ANKS1B: variants seen among roughly 807,000 people sequenced by gnomAD.
ANKS1B encodes the protein ankyrin repeat and sterile alpha motif domain containing 1B, also known as ankyrin repeat and sterile alpha motif domain-containing protein 1B.
Under a neutral mutation model 148.3 loss-of-function variants are expected in ANKS1B, and 36 were observed. The observed-to-expected ratio is 0.24, with a 90% confidence interval of 0.19 to 0.32. The LOEUF is 0.32. Among genes scored for constraint, ANKS1B ranks in the 10% least tolerant of loss-of-function variants. The probability of loss-of-function intolerance (pLI) is 1.00; values close to 1 mark genes in which losing one functional copy is unlikely to be tolerated. For synonymous variants in ANKS1B, 542 were observed against 560.8 expected, an observed-to-expected ratio of 0.97 and a Z score of 0.47; for missense variants, 1,157 against 1,542.6, an observed-to-expected ratio of 0.75 and a Z score of 4.19.
chr12:98,948,475 T>A (rs1213923044), intron 17 of ANKS1B, among the ~76,000 whole-genome samples: 1 of 152,202 alleles, frequency 6.6e-6, no homozygotes, highest in African/African-American at 2.4e-5. Context: ...TTGCTCATGA[T>A]CATTTACATT....
intron 14 of ANKS1B, among the ~76,000 whole-genome samples, chr12:99,243,737 G>C (rs1485765257): frequency 6.6e-6 from 1 of 152,208 alleles, no homozygotes; most frequent in Non-Finnish European, 1.5e-5. Context: ...GGACATGGAT[G>C]AAGCAGGAAA....
chr12:99,246,527 A>C lies in ANKS1B; in HGVS notation c.2094T>G (p.Asn698Lys). 5.0e-6 allele frequency: 8 copies of C among 1,613,294 alleles called. No individual in the cohort carries two copies. The highest frequency in any genetic ancestry group is 6.8e-6 in the Non-Finnish European group (8 of 1,179,692). ...GTRSTRSGSR[N>K]GDQWVMNAGG... ...CTGCGTTCATAACCCACTGGTCCCC[A>C]TTCCGAGATCCACTCCTGGTTGATC... The change falls in exon 13 of 27, where the codon AAT becomes AAG. Residue 698 changes from asparagine to lysine, a missense_variant. By Grantham distance (94) the Asn-to-Lys change is moderately conservative. Around this residue, in one of 6 missense-constraint regions of ANKS1B, gnomAD observed 661 missense variants for 642.1 expected, o/e 1.03. Transcript: ENST00000683438.
Position 99,630,693 on chromosome 12 carries a change from G to A in ANKS1B, c.1272+24374C>T, listed in dbSNP as rs568431622. ...CACTTTTCTCAAGGAAGATCTTTAA[G>A]AGAAAATATTTTCTCACTTATTCCC... On this transcript the variant is annotated intron_variant, in intron 9 of 26. Coordinates refer to ENST00000683438, the MANE Select transcript of ANKS1B (RefSeq NM_001352186.2). Among the ~76,000 whole-genome samples the A allele has an allele frequency of 3.2e-4, 48 of 152,290 alleles. 1 individual carries two copies. The highest frequency in any genetic ancestry group is 9.1e-4 in the African/African-American group (38 of 41,564).
intron 14 of ANKS1B, among the ~76,000 whole-genome samples, chr12:99,232,762 T>C (rs1257992407): frequency 6.6e-6 from 1 of 152,160 alleles, no homozygotes; most frequent in African/African-American, 2.4e-5. Context: ...ATACCTTAAC[T>C]ACAATCCTCA....
intron 12 of ANKS1B, among the ~76,000 whole-genome samples, chr12:99,384,385 C>T (rs949793825): frequency 6.6e-6 from 1 of 152,106 alleles, no homozygotes; most frequent in East Asian, 1.9e-4. Context: ...TGTCATGAGG[C>T]TCAATGAAGC....
intron 24 of ANKS1B, among the ~76,000 whole-genome samples, chr12:98,777,194 TA>T (rs1789300813): frequency 6.6e-6 from 1 of 151,968 alleles, no homozygotes; most frequent in South Asian, 2.1e-4. Context: ...CCCTGTCTCT[TA>T]AAAACAAAAC....
intron 17 of ANKS1B, among the ~76,000 whole-genome samples, chr12:98,960,099 C>T (rs766943792): frequency 5.9e-5 from 9 of 152,168 alleles, no homozygotes; most frequent in Admixed American, 3.3e-4. Flanking sequence ...GGCTTTGCCA[C>T]CTGCTGATTG....
intron 22 of ANKS1B, among the ~76,000 whole-genome samples, chr12:98,797,552 G>A (rs189336874): frequency 5.9e-5 from 9 of 152,268 alleles, no homozygotes; most frequent in African/African-American, 2.2e-4. Context: ...GATATATACA[G>A]AAGCTTGTTT....
intron 17 of ANKS1B, among the ~76,000 whole-genome samples, chr12:98,960,091 C>T (rs2099868674): frequency 1.3e-5 from 2 of 152,200 alleles, no homozygotes; most frequent in Non-Finnish European, 2.9e-5. Flanking sequence ...GCCTGGCTGG[C>T]TTTGCCACCT....
chr12:99,547,814 T>A (rs759340093), intron 9 of ANKS1B, among the ~76,000 whole-genome samples: 1 of 152,242 alleles, frequency 6.6e-6, no homozygotes, highest in Non-Finnish European at 1.5e-5. Flanking sequence ...TTTTTCACAT[T>A]ATAACTCCCT....
intron 1 of ANKS1B, among the ~76,000 whole-genome samples, chr12:99,837,595 C>T (rs1158733836): frequency 1.3e-5 from 2 of 152,158 alleles, no homozygotes; most frequent in East Asian, 3.9e-4. Context: ...GCTTTTATAA[C>T]CCCTGGATTT....
intron 22 of ANKS1B, among the ~76,000 whole-genome samples, chr12:98,790,135 G>GA (rs1460745104): frequency 6.6e-6 from 1 of 152,160 alleles, no homozygotes; most frequent in East Asian, 1.9e-4. Flanking sequence ...GCAAATGTGT[G>GA]AAAAAACACA....
chr12:98,755,279 C>T (rs958027000), intron 25 of ANKS1B, among the ~76,000 whole-genome samples: 10 of 152,154 alleles, frequency 6.6e-5, no homozygotes, highest in South Asian at 6.2e-4. Flanking sequence ...GAGACTCTAC[C>T]GGGATGAGGT....
At chr12:99,671,678 G>T (rs1489437490) in intron 8 of ANKS1B, among the ~76,000 whole-genome samples, 1 of 151,980 alleles carries the variant, frequency 6.6e-6, no homozygotes, top group Non-Finnish European at 1.5e-5. Flanking sequence ...ATTTTATATT[G>T]AAAATAAAAT....
chr12:98,745,813 G>A lies in ANKS1B; in HGVS notation c.3784C>T (p.Leu1262=). The change falls in exon 27 of 27, where the codon CTA becomes TTA. Residue 1262 remains leucine (L), a synonymous_variant. Transcript: ENST00000683438. The part of the protein sequence containing the change: ...DPSEQKTLAN[L]PWIVEPGQEA... The stretch of plus-strand genomic sequence containing the variant: ...TGGCCCGGCTCCACAATCCACGGTA[G>A]ATTGGCCAGAGTCTTTTGCTCAGAT... 1 of 1,613,592 alleles carries A rather than the reference G, an allele frequency of 6.2e-7. No individual in the cohort carries two copies.
At chr12:99,144,612 C>T (rs1302488391) in intron 15 of ANKS1B, among the ~76,000 whole-genome samples, 1 of 151,758 alleles carries the variant, frequency 6.6e-6, no homozygotes, top group African/African-American at 2.4e-5. Flanking sequence ...ATTGTGTCAC[C>T]CCAAATTTAT....
intron 14 of ANKS1B, among the ~76,000 whole-genome samples, chr12:99,225,627 G>A (rs1481607655): frequency 1.3e-5 from 2 of 152,196 alleles, no homozygotes; most frequent in African/African-American, 2.4e-5. Flanking sequence ...GGAATGGGCA[G>A]ACTTGCTGAG....
At chr12:99,901,345 C>T (rs1805039458) in intron 1 of ANKS1B, among the ~76,000 whole-genome samples, 1 of 152,230 alleles carries the variant, frequency 6.6e-6, no homozygotes, top group Admixed American at 6.5e-5. Context: ...CCAGACTTCA[C>T]ATTTAGCAAT....
intron 14 of ANKS1B, among the ~76,000 whole-genome samples, chr12:99,198,912 T>C (rs1303514379): frequency 6.6e-6 from 1 of 152,206 alleles, no homozygotes. Context: ...CTTAAATGAA[T>C]TGCTGGTTCC....
Sources: allele counts gnomAD v4.1 joint callset (sites outside exome capture counted in the v4.1 genomes callset), GRCh38; gene constraint gnomAD v4.1.1; regional missense constraint gnomAD v4.1.1; transcripts MANE v1.5; gene names NCBI Gene and HGNC (gene_info 2026-07-23, HGNC 2026-07-21).